The following SORCS1 variants were observed in gnomAD, a reference collection of about 807,000 sequenced individuals.
The protein encoded by SORCS1 is sortilin related VPS10 domain containing receptor 1.
Under a neutral mutation model 146.1 loss-of-function variants are expected in SORCS1, and 60 were observed. The observed-to-expected ratio is 0.41, with a 90% confidence interval of 0.33 to 0.51. SORCS1 has a LOEUF of 0.51. Among genes scored for constraint, SORCS1 ranks in the 20% least tolerant of loss-of-function variants. The probability of loss-of-function intolerance (pLI) is 0.21; values close to 1 mark genes in which losing one functional copy is unlikely to be tolerated. For missense variants in SORCS1, 1,352 were observed against 1,487.6 expected (o/e 0.91, Z 1.50); for synonymous variants, 637 against 584.0 (o/e 1.09, Z -1.31).
chr10:106,644,849 T>C (rs1849307966), intron 18 of SORCS1, among the ~76,000 whole-genome samples: 1 of 152,238 alleles, frequency 6.6e-6, no homozygotes, highest in Non-Finnish European at 1.5e-5. Context: ...GTAAATATAC[T>C]GTAGTTTATG....
intron 1 of SORCS1, among the ~76,000 whole-genome samples, chr10:106,976,039 A>T (rs1156365371): frequency 6.6e-6 from 1 of 150,968 alleles, no homozygotes; most frequent in Non-Finnish European, 1.5e-5. Context: ...CCAGCTACTC[A>T]GGAGGCTGAG....
chr10:106,691,491 T>C (rs941525725), intron 9 of SORCS1, among the ~76,000 whole-genome samples: 7 of 152,260 alleles, frequency 4.6e-5, no homozygotes, highest in African/African-American at 1.7e-4. Context: ...TTTAATATCA[T>C]ATAAGTCAAG....
chr10:106,579,212 A>G lies in SORCS1; in HGVS notation c.3371+157T>C, dbSNP rs759563031. 5.0e-6 allele frequency: 8 copies of G among 1,613,950 alleles called. No individual in the cohort carries two copies. The Admixed American group carries it at 1.3e-4, about 27-fold the overall frequency. On this transcript the variant is annotated intron_variant, in intron 25 of 25. Transcript: ENST00000263054. ...GACTGATCATCTCTTGTTCTTTCTC[A>G]TTCTGCATCTGGGCATAAACATTAA...
At chr10:106,634,485 T>C (rs1418729908) in intron 18 of SORCS1, among the ~76,000 whole-genome samples, 1 of 152,218 alleles carries the variant, frequency 6.6e-6, no homozygotes, top group African/African-American at 2.4e-5. Context: ...GTCACGCAGC[T>C]AGTTAGACAC....
chr10:106,856,027 CATT>C (rs1949773361), intron 2 of SORCS1, among the ~76,000 whole-genome samples: 1 of 127,846 alleles, frequency 7.8e-6, no homozygotes, highest in African/African-American at 3.1e-5. Context: ...GGAGACACAA[CATT>C]TTTTTTTTTT....
At chr10:106,739,534 C>T (rs1018525916) in intron 5 of SORCS1, among the ~76,000 whole-genome samples, 2 of 151,210 alleles carry the variant, frequency 1.3e-5, no homozygotes, top group East Asian at 3.9e-4. Flanking sequence ...CCAGGCCGGG[C>T]GTGGTGGCTC....
At chr10:107,086,592 T>C (rs1963781528) in intron 1 of SORCS1, among the ~76,000 whole-genome samples, 1 of 152,252 alleles carries the variant, frequency 6.6e-6, no homozygotes, top group Non-Finnish European at 1.5e-5. Context: ...ATCTGAATTA[T>C]CTCTTGGGTT....
intron 3 of SORCS1, among the ~76,000 whole-genome samples, chr10:106,790,402 T>C (rs887137903): frequency 6.6e-6 from 1 of 152,072 alleles, no homozygotes; most frequent in African/African-American, 2.4e-5. Context: ...CTCAAATCCA[T>C]CTCCCTGACT....
At chr10:107,180,577 C>T in the SORCS1 span, among the ~76,000 whole-genome samples, 522 of 152,152 alleles carry the variant, frequency 3.4e-3, 3 homozygotes, top group African/African-American at 0.012. Context: ...AAAGAACCAG[C>T]TCTTTGTTTC....
At chr10:107,078,101 T>C (rs1232248960) in intron 1 of SORCS1, among the ~76,000 whole-genome samples, 1 of 152,182 alleles carries the variant, frequency 6.6e-6, no homozygotes, top group Admixed American at 6.5e-5. Context: ...AAATATTAGT[T>C]TCAAAGTGTC....
At chr10:107,152,240 C>T (rs1968866149) in intron 1 of SORCS1, among the ~76,000 whole-genome samples, 7 of 152,170 alleles carry the variant, frequency 4.6e-5, no homozygotes, top group Admixed American at 4.6e-4. Context: ...AGAGGATGTA[C>T]AGAAATGCCT....
chr10:106,762,557 T>A (rs554475210), intron 4 of SORCS1, among the ~76,000 whole-genome samples: 1 of 151,346 alleles, frequency 6.6e-6, no homozygotes, highest in African/African-American at 2.4e-5. Context: ...CAAGCCCGGC[T>A]AATTTTTTTT....
intron 18 of SORCS1, among the ~76,000 whole-genome samples, chr10:106,641,710 G>A (rs1016849967): frequency 2.0e-5 from 3 of 152,200 alleles, no homozygotes; most frequent in Admixed American, 6.5e-5. Flanking sequence ...GGAGTGACAT[G>A]ATTCTTACCT....
intron 1 of SORCS1, among the ~76,000 whole-genome samples, chr10:107,115,963 A>C (rs1438990247): frequency 2.6e-5 from 4 of 152,132 alleles, no homozygotes; most frequent in Admixed American, 2.6e-4. Flanking sequence ...TTTTTATTCA[A>C]AGGAAACATA....
intron 1 of SORCS1, among the ~76,000 whole-genome samples, chr10:106,999,509 C>T (rs1432501813): frequency 6.6e-6 from 1 of 152,200 alleles, no homozygotes; most frequent in African/African-American, 2.4e-5. Context: ...TGCTTAGTCC[C>T]TGGCCTTAAA....
chr10:107,017,758 C>T (rs140613473), intron 1 of SORCS1, among the ~76,000 whole-genome samples: 2,324 of 152,260 alleles, frequency 0.015, 61 homozygotes, highest in African/African-American at 0.053. Flanking sequence ...CTGGTTCAAG[C>T]GATTCTCCTG....
intron 1 of SORCS1, among the ~76,000 whole-genome samples, chr10:107,061,479 T>G (rs887227692): frequency 6.6e-6 from 1 of 152,194 alleles, no homozygotes; most frequent in African/African-American, 2.4e-5. Flanking sequence ...ACATCTCTTA[T>G]GTAAAAGCCA....
chr10:107,091,135 T>C (rs774869279), intron 1 of SORCS1, among the ~76,000 whole-genome samples: 3 of 152,206 alleles, frequency 2.0e-5, no homozygotes, highest in Admixed American at 6.5e-5. Context: ...GCAGCATCCT[T>C]TACCACATTT....
Position 106,997,569 on chromosome 10 carries a change from T to G in SORCS1, c.559-40989A>C, listed in dbSNP as rs536261930. ...CATAGAAGCCATGTTGCAAGTCATC[T>G]GAAGGAAAACTATAAACAAGACCAG... On this transcript the variant is annotated intron_variant, in intron 1 of 25. Transcript: ENST00000263054. Among the ~76,000 whole-genome samples the G allele has an allele frequency of 1.7e-4, 26 of 152,300 alleles. 2 individuals are homozygous for G. In the South Asian group the frequency reaches 5.2e-3, roughly 30 times the overall value.
Sources: allele counts gnomAD v4.1 joint callset (sites outside exome capture counted in the v4.1 genomes callset), GRCh38; gene constraint gnomAD v4.1.1; transcripts MANE v1.5; gene names NCBI Gene and HGNC (gene_info 2026-07-23, HGNC 2026-07-21).